ULK4: variants seen among roughly 807,000 people sequenced by gnomAD.
The protein encoded by ULK4 is inactive serine/threonine-protein kinase ULK4.
Under a neutral mutation model 160.6 loss-of-function variants are expected in ULK4, and 133 were observed. The ratio of observed to expected loss-of-function variants is 0.83; its 90% CI spans 0.72 to 0.96. ULK4 has a LOEUF of 0.96. ULK4 is among the 40% of genes least tolerant of loss of function. The probability of loss-of-function intolerance (pLI) is 0.00; values close to 1 mark genes in which losing one functional copy is unlikely to be tolerated. For missense variants in ULK4, 1,580 were observed against 1,499.5 expected, an observed-to-expected ratio of 1.05 and a Z score of -0.89; for synonymous variants, 534 against 539.8, an observed-to-expected ratio of 0.99 and a Z score of 0.15.
At chr3:41,831,502 AT>A (rs1396563573) in intron 18 of ULK4, among the ~76,000 whole-genome samples, 1 of 143,390 alleles carries the variant, frequency 7.0e-6, no homozygotes, top group East Asian at 2.0e-4. Flanking sequence ...TAAAGTTTAC[AT>A]TTTTATTGTT....
chr3:41,396,539 A>AT (rs1263014470), intron 35 of ULK4, among the ~76,000 whole-genome samples: 1 of 152,056 alleles, frequency 6.6e-6, no homozygotes, highest in Non-Finnish European at 1.5e-5. Context: ...ACATAAAGTA[A>AT]TTTTTTAAAG....
At chr3:41,540,863 C>T (rs2086671066) in intron 32 of ULK4, among the ~76,000 whole-genome samples, 1 of 131,060 alleles carries the variant, frequency 7.6e-6, no homozygotes, top group South Asian at 2.5e-4. Flanking sequence ...CTATCATTTG[C>T]CCACATTTTG....
chr3:41,873,238 T>TTTTTTTTTA (rs776627434), intron 17 of ULK4, among the ~76,000 whole-genome samples: 199 of 148,914 alleles, frequency 1.3e-3, no homozygotes, highest in African/African-American at 4.8e-3. Flanking sequence ...TTTTTTTTTT[T>TTTTTTTTTA]TTTTTGAAAA....
At chr3:41,610,914 C>T (rs569379812) in intron 31 of ULK4, among the ~76,000 whole-genome samples, 1 of 152,276 alleles carries the variant, frequency 6.6e-6, no homozygotes, top group South Asian at 2.1e-4. Flanking sequence ...TAGGCCAAAA[C>T]ATAAACCACG....
intron 34 of ULK4, among the ~76,000 whole-genome samples, chr3:41,439,839 G>C (rs1032638725): frequency 6.6e-6 from 1 of 152,116 alleles, no homozygotes; most frequent in South Asian, 2.1e-4. Context: ...TAACAATATT[G>C]AGCCTTCCCG....
chr3:41,859,816 CCTGG>C (rs2042455135), intron 17 of ULK4, among the ~76,000 whole-genome samples: 2 of 148,090 alleles, frequency 1.4e-5, no homozygotes, highest in Non-Finnish European at 1.5e-5. Context: ...CGCCACCATG[CCTGG>C]CTAATTTTTT....
intron 27 of ULK4, among the ~76,000 whole-genome samples, chr3:41,701,121 C>T (rs1340328202): frequency 1.3e-5 from 2 of 152,048 alleles, no homozygotes; most frequent in African/African-American, 4.8e-5. Context: ...TATATGTGAT[C>T]TGATTTGCTG....
chr3:41,306,255 T>A (rs570235659), intron 35 of ULK4, among the ~76,000 whole-genome samples: 1 of 103,532 alleles, frequency 9.7e-6, no homozygotes, highest in Non-Finnish European at 1.8e-5. Context: ...AGCCGCCCCG[T>A]CCGGGAGGTG....
chr3:41,363,296 A>G (rs2081184756), intron 35 of ULK4, among the ~76,000 whole-genome samples: 2 of 152,340 alleles, frequency 1.3e-5, no homozygotes, highest in South Asian at 4.1e-4. Context: ...ACTTTGAGGG[A>G]GGCCAGATGG....
At chr3:41,838,828 G>A (rs2041831927) in intron 17 of ULK4, among the ~76,000 whole-genome samples, 2 of 152,126 alleles carry the variant, frequency 1.3e-5, no homozygotes, top group African/African-American at 4.8e-5. Context: ...TGCACAGAAA[G>A]ACAAATACTG....
At chr3:41,882,378 G>A (rs888655349) in intron 17 of ULK4, 28 of 677,148 alleles carry the variant, frequency 4.1e-5, no homozygotes, top group Non-Finnish European at 6.7e-5. Flanking sequence ...ATTACAGGGT[G>A]GTCGTAGTAT....
At chr3:41,312,578 T>C (rs2080071434) in intron 35 of ULK4, among the ~76,000 whole-genome samples, 1 of 152,108 alleles carries the variant, frequency 6.6e-6, no homozygotes, top group Non-Finnish European at 1.5e-5. Context: ...GGGGGATGCC[T>C]GATGCCAGGA....
At chr3:41,796,980 A>G (rs2040318226) in intron 20 of ULK4, among the ~76,000 whole-genome samples, 1 of 152,210 alleles carries the variant, frequency 6.6e-6, no homozygotes, top group Admixed American at 6.5e-5. Flanking sequence ...CCCACTCGCC[A>G]AATCTGGGAT....
intron 30 of ULK4, among the ~76,000 whole-genome samples, chr3:41,643,988 CTGTT>C (rs1447518034): frequency 6.6e-6 from 1 of 152,060 alleles, no homozygotes; most frequent in African/African-American, 2.4e-5. Context: ...ATTTGGCTCT[CTGTT>C]TGTCTGTTAT....
chr3:41,843,302 C>T (rs992574584), intron 17 of ULK4, among the ~76,000 whole-genome samples: 1 of 152,182 alleles, frequency 6.6e-6, no homozygotes, highest in African/African-American at 2.4e-5. Context: ...AGTGACAACA[C>T]CAAAAGCTGC....
chr3:41,908,815 G>T (rs531122975), intron 11 of ULK4, among the ~76,000 whole-genome samples: 1 of 152,036 alleles, frequency 6.6e-6, no homozygotes, highest in Non-Finnish European at 1.5e-5. Flanking sequence ...CTTCAGGGCC[G>T]AGTGCGGTGG....
intron 32 of ULK4, among the ~76,000 whole-genome samples, chr3:41,536,955 T>A (rs908168564): frequency 6.6e-6 from 1 of 152,220 alleles, no homozygotes; most frequent in African/African-American, 2.4e-5. Flanking sequence ...TAAAAATAAA[T>A]CCATGTTGTA....
chr3:41,575,233 G>C (rs2088147367), intron 31 of ULK4, among the ~76,000 whole-genome samples: 1 of 152,196 alleles, frequency 6.6e-6, no homozygotes, highest in Non-Finnish European at 1.5e-5. Flanking sequence ...ATATGTATAT[G>C]GATTTCCTAG....
intron 11 of ULK4, 147 bp downstream of exon 11, chr3:41,911,170 C>A: frequency 1.2e-6 from 1 of 806,278 alleles, no homozygotes. Context: ...CTAACTGTAA[C>A]TTTGAAATTG....
Sources: allele counts gnomAD v4.1 joint callset (sites outside exome capture counted in the v4.1 genomes callset), GRCh38; gene constraint gnomAD v4.1.1; transcripts MANE v1.5; gene names NCBI Gene and HGNC (gene_info 2026-07-23, HGNC 2026-07-21).